The following F9 variants were observed in gnomAD, a reference collection of about 807,000 sequenced individuals.
F9 encodes the protein coagulation factor IX.
A neutral mutation model predicts 34.1 loss-of-function variants in F9; 2 were observed. That is an observed-to-expected ratio of 0.06 (90% CI 0.02 to 0.18). F9 has a LOEUF of 0.18. F9 is among the 10% of genes least tolerant of loss of function. F9 has a pLI of 1.00. For missense variants in F9, 216 were observed against 345.1 expected, an observed-to-expected ratio of 0.63 and a Z score of 2.96; for synonymous variants, 137 against 118.8, an observed-to-expected ratio of 1.15 and a Z score of -1.00.
intron 1 of F9, 44 bp from the exon 2 acceptor site, chrX:139,536,966 T>C (rs757989062): frequency 3.8e-5 from 43 of 1,127,599 alleles, no homozygotes; most frequent in Non-Finnish European, 5.1e-5. Context: ...TTCATGATGT[T>C]TTCTTTTTTG....
At chrX:139,550,083 A>G (rs1193083482) in intron 5 of F9, among the ~76,000 whole-genome samples, 1 of 111,719 alleles carries the variant, frequency 9.0e-6, no homozygotes, top group Non-Finnish European at 1.9e-5. Context: ...TAAAAGAGAA[A>G]CAGAATTGAG....
intron 4 of F9, among the ~76,000 whole-genome samples, chrX:139,545,508 A>C (rs756042938): frequency 5.3e-5 from 6 of 112,204 alleles, no homozygotes; most frequent in African/African-American, 1.9e-4. Flanking sequence ...CTAATCTATT[A>C]ATAATGACAA....
At chrX:139,544,557 G>T (rs1245438313) in intron 4 of F9, 1 of 111,090 alleles carries the variant, frequency 9.0e-6, no homozygotes, top group East Asian at 2.8e-4. Flanking sequence ...ATGTAAAATA[G>T]AGTTTAAAAG....
intron 6 of F9, among the ~76,000 whole-genome samples, chrX:139,556,952 G>A (rs1010077916): frequency 1.8e-5 from 2 of 112,171 alleles, no homozygotes; most frequent in East Asian, 2.8e-4. Context: ...TACTGAAATC[G>A]CAGGTAACGG....
At chrX:139,549,433 GAAATAT>G (rs1927790986) in intron 5 of F9, among the ~76,000 whole-genome samples, 1 of 111,515 alleles carries the variant, frequency 9.0e-6, no homozygotes, top group African/African-American at 3.3e-5. Context: ...CACACACACA[GAAATAT>G]AGAGTATGGA....
chrX:139,536,662 T>A (rs1318584879), intron 1 of F9, among the ~76,000 whole-genome samples: 1 of 111,910 alleles, frequency 8.9e-6, no homozygotes, highest in Non-Finnish European at 1.9e-5. Flanking sequence ...GGGTGATGGA[T>A]CACTTTGCAA....
chrX:139,542,436 A>G (rs1927623190), intron 4 of F9, among the ~76,000 whole-genome samples: 1 of 111,725 alleles, frequency 9.0e-6, no homozygotes. Context: ...AATTGATTCA[A>G]TATCTCTGAA....
chrX:139,548,241 A>G, intron 4 of F9, 122 bp from the exon 5 acceptor site: 1 of 758,237 alleles, frequency 1.3e-6, no homozygotes, highest in Non-Finnish European at 2.0e-6. Context: ...TCCCCAACGT[A>G]TATTGGGGGC....
rs1242619172 is a variant in F9 at position 139,561,931 on chromosome X, G to A, written c.1246G>A (p.Val416Ile). The part of the protein sequence containing the change: ...SCQGDSGGPH[V>I]TEVEGTSFLT... ...TCAAGGAGATAGTGGGGGACCCCAT[G>A]TTACTGAAGTGGAAGGGACCAGTTT... is the stretch of plus-strand genomic sequence containing the variant. Residue 416 changes from valine to isoleucine, a missense_variant, in exon 8 of 8, where the codon GTT becomes ATT. By Grantham distance (29) the Val-to-Ile change is conservative. Transcript: ENST00000218099. 1 of 1,211,958 alleles carries A rather than the reference G, an allele frequency of 8.3e-7. No homozygotes were observed. The highest frequency in any genetic ancestry group is 1.8e-5 in the South Asian group (1 of 56,999).
rs774758448 is a variant in F9 at position 139,553,843 on chromosome X, T to TA, written c.723+2597dup. Among the ~76,000 whole-genome samples, 663 of 67,484 alleles carry TA rather than the reference T, an allele frequency of 9.8e-3. 4 individuals are homozygous for TA. Among genetic ancestry groups the TA allele is most frequent in the African/African-American group, 0.028 (491 of 17,841 alleles). The allele number at this position is 67,484 out of a possible 115,157, so 58.6% of individuals were successfully genotyped here. A position where few individuals can be genotyped will look rare whatever the true frequency, so the allele number is the denominator to read the frequency against. Reference sequence around the variant, plus strand: ...AAAAAAAAAAAAAAAAGTCCAAGATTAAAAAAAAAAAAAAAAAAGGATGTC... The same window carrying TA: ...AAAAAAAAAAAAAAAAGTCCAAGATTAAAAAAAAAAAAAAAAAAAGGATGTC... On this transcript the variant is annotated intron_variant, in intron 6 of 7. Coordinates refer to ENST00000218099, the MANE Select transcript of F9 (RefSeq NM_000133.4).
At chrX:139,553,674 G>T (rs982278006) in intron 6 of F9, among the ~76,000 whole-genome samples, 2 of 108,924 alleles carry the variant, frequency 1.8e-5, no homozygotes. Flanking sequence ...TTAGCCCGGC[G>T]TGGTGGCAGG....
chrX:139,536,067 A>G (rs998114309), intron 1 of F9, among the ~76,000 whole-genome samples: 1 of 108,786 alleles, frequency 9.2e-6, no homozygotes, highest in African/African-American at 3.3e-5. Flanking sequence ...ACTGTCGTAT[A>G]ATGTGGTCCA....
chrX:139,536,959 A>C, intron 1 of F9, 51 bp from the exon 2 acceptor site: 1 of 1,092,359 alleles, frequency 9.2e-7, no homozygotes, highest in African/African-American at 1.8e-5. Flanking sequence ...TAAAATTTTC[A>C]TGATGTTTTC....
chrX:139,558,540 G>A (rs748082464), intron 6 of F9, among the ~76,000 whole-genome samples: 1 of 113,158 alleles, frequency 8.8e-6, no homozygotes, highest in Non-Finnish European at 1.9e-5. Context: ...TTTTAAAAAT[G>A]TAACAAGATG....
chrX:139,553,117 T>C (rs1447442278), intron 6 of F9, among the ~76,000 whole-genome samples: 1 of 112,124 alleles, frequency 8.9e-6, no homozygotes, highest in Non-Finnish European at 1.9e-5. Context: ...CTTTGCTTTT[T>C]AAAAAGACAA....
chrX:139,562,328 T>C lies in F9; in HGVS notation c.*257T>C. The C allele has an allele frequency of 8.3e-6, 3 of 361,952 alleles. No homozygotes were observed. In the South Asian group the frequency reaches 1.2e-4, roughly 14 times the overall value. The allele number at this position is 361,952 out of a possible 1,213,427, so 29.8% of individuals were successfully genotyped here. A position where few individuals can be genotyped will look rare whatever the true frequency, so the allele number is the denominator to read the frequency against. On this transcript the variant is annotated 3_prime_UTR_variant, in exon 8 of 8. Transcript: ENST00000218099. ...CCCTTGACAAAATTGTGAAGTTAAATTCTCCACTCTGTCCATCAGATACTA... is the reference window on the plus strand; with the variant it reads ...CCCTTGACAAAATTGTGAAGTTAAACTCTCCACTCTGTCCATCAGATACTA...
intron 6 of F9, among the ~76,000 whole-genome samples, chrX:139,555,944 G>T (rs2148364905): frequency 9.0e-6 from 1 of 111,327 alleles, no homozygotes; most frequent in Non-Finnish European, 1.9e-5. Flanking sequence ...CCGCATTTTG[G>T]CTTTCTAAAG....
chrX:139,533,165 G>T (rs1180549744), intron 1 of F9, among the ~76,000 whole-genome samples: 1 of 111,924 alleles, frequency 8.9e-6, no homozygotes, highest in Non-Finnish European at 1.9e-5. Context: ...AGTAGAAGTG[G>T]TATGACTTAA....
chrX:139,537,125 G>A lies in F9; in HGVS notation c.204G>A (p.Lys68=). The part of the protein sequence containing the change: ...GNLERECMEE[K]CSFEEAREVF... The stretch of plus-strand genomic sequence containing the variant: ...TTGAGAGAGAATGTATGGAAGAAAA[G>A]TGTAGTTTTGAAGAAGCACGAGAAG... The change falls in exon 2 of 8, where the codon AAG becomes AAA. Residue 68 remains lysine (K), a synonymous_variant. Coordinates refer to ENST00000218099, the MANE Select transcript of F9 (RefSeq NM_000133.4). The A allele has an allele frequency of 4.1e-6, 5 of 1,211,367 alleles. No homozygotes were observed. Among genetic ancestry groups the A allele is most frequent in the Non-Finnish European group, 5.6e-6 (5 of 895,186 alleles).
Sources: gnomAD v4.1 joint callset for allele counts (sites outside exome capture counted in the v4.1 genomes callset) on GRCh38, gnomAD v4.1.1 for gene constraint, MANE v1.5 for transcripts, NCBI Gene and HGNC (gene_info 2026-07-23, HGNC 2026-07-21) for gene names.